Variants in CAPN13 observed in about 807,000 individuals in gnomAD.
CAPN13 encodes the protein calpain 13.
In CAPN13, 90 loss-of-function variants were observed where a neutral mutation model predicts 98.4. The observed-to-expected ratio is 0.92, with a 90% CI of 0.77 to 1.09. CAPN13 has a LOEUF of 1.09. Ranked by LOEUF, CAPN13 falls within the 50% of genes least tolerant of loss-of-function variation. The pLI is 0.00. For missense variants in CAPN13, 887 were observed against 841.3 expected, an observed-to-expected ratio of 1.05 and a Z score of -0.67; for synonymous variants, 330 against 305.5, an observed-to-expected ratio of 1.08 and a Z score of -0.84.
intron 22 of CAPN13, among the ~76,000 whole-genome samples, chr2:30,724,019 T>C (rs750285897): frequency 9.9e-5 from 15 of 152,250 alleles, no homozygotes; most frequent in African/African-American, 2.2e-4. Flanking sequence ...AATGTGCTTA[T>C]GCAGTTAATT....
rs549423778 is a variant in CAPN13 at position 30,771,134 on chromosome 2, CAG to C, written c.388-687_388-686del. ...ATGAACCGGATGTTCCTCTCCAAAACAGACTGTTTGAATCTTTAGCATTCAAC... is the reference window on the plus strand; with the variant it reads ...ATGAACCGGATGTTCCTCTCCAAAACACTGTTTGAATCTTTAGCATTCAAC... On this transcript the variant is annotated intron_variant, in intron 4 of 22. Coordinates refer to ENST00000295055, the MANE Select transcript of CAPN13 (RefSeq NM_144575.3). 2.2e-4 allele frequency among the ~76,000 whole-genome samples: 33 copies of C among 152,358 alleles called. No individual in the cohort carries two copies. In the East Asian group the frequency reaches 4.8e-3, roughly 22 times the overall value.
At chr2:30,800,116 A>AAAGAAAGAAGAAAG (rs1444108248) in intron 1 of CAPN13, among the ~76,000 whole-genome samples, 1 of 85,596 alleles carries the variant, frequency 1.2e-5, no homozygotes, top group African/African-American at 4.5e-5. Flanking sequence ...GAAAAGAAAG[A>AAAGAAAGAAGAAAG]AAAGAAAGAA....
intron 19 of CAPN13, among the ~76,000 whole-genome samples, chr2:30,733,878 G>A (rs1237263792): frequency 1.3e-5 from 2 of 152,188 alleles, no homozygotes; most frequent in African/African-American, 2.4e-5. Flanking sequence ...AATGATTCCT[G>A]CCCTTCCCAG....
intron 1 of CAPN13, among the ~76,000 whole-genome samples, chr2:30,798,420 C>A (rs1051359835): frequency 1.1e-4 from 16 of 152,136 alleles, no homozygotes; most frequent in Admixed American, 9.2e-4. Flanking sequence ...TCTCTCTCTG[C>A]TTTTCTTCAG....
chr2:30,790,121 C>T (rs544353228), intron 1 of CAPN13, among the ~76,000 whole-genome samples: 23 of 152,308 alleles, frequency 1.5e-4, no homozygotes, highest in African/African-American at 4.8e-4. Context: ...CTCTTGGCTT[C>T]GCCAGGGAAC....
intron 13 of CAPN13, 126 bp from the exon 14 acceptor site, chr2:30,742,485 C>T: frequency 2.0e-6 from 2 of 981,176 alleles, no homozygotes; most frequent in Admixed American, 4.2e-5. Context: ...ACCCTCAGCA[C>T]CGCAGGACAC....
At chr2:30,775,135 G>A (rs1449553606) in intron 4 of CAPN13, among the ~76,000 whole-genome samples, 2 of 152,124 alleles carry the variant, frequency 1.3e-5, no homozygotes, top group Non-Finnish European at 2.9e-5. Context: ...AAAGAATTAA[G>A]AACTAATAAA....
intron 2 of CAPN13, among the ~76,000 whole-genome samples, chr2:30,779,244 A>T (rs575342999): frequency 2.6e-5 from 4 of 152,358 alleles, no homozygotes; most frequent in Admixed American, 2.6e-4. Context: ...TGGAAAGCCC[A>T]TTCAGACAGA....
intron 1 of CAPN13, among the ~76,000 whole-genome samples, chr2:30,800,335 C>A (rs908739692): frequency 1.3e-5 from 2 of 152,168 alleles, no homozygotes; most frequent in Non-Finnish European, 2.9e-5. Context: ...AAAGCAGAAG[C>A]GACTTACTGA....
chr2:30,802,794 A>G (rs1393781757), intron 1 of CAPN13, among the ~76,000 whole-genome samples: 16 of 152,082 alleles, frequency 1.1e-4, no homozygotes, highest in Admixed American at 1.0e-3. Context: ...TCTGCCTGAA[A>G]AGAGAGGTAG....
Position 30,743,544 on chromosome 2 carries a change from G to C in CAPN13, c.1284C>G (p.Ser428=), listed in dbSNP as rs756257690. The part of the protein sequence containing the change: ...FREKFPPVFF[S]SFRNTVQSSN... ...AGCTTTGGACAGTGTTTCTGAACGAGGAAAAAAACACGGGTGGAAATTTCT... is the reference window on the plus strand; with the variant it reads ...AGCTTTGGACAGTGTTTCTGAACGACGAAAAAAACACGGGTGGAAATTTCT... The change falls in exon 13 of 23, where the codon TCC becomes TCG. Residue 428 remains serine (S), a synonymous_variant. Coordinates refer to ENST00000295055, the MANE Select transcript of CAPN13 (RefSeq NM_144575.3). The C allele has an allele frequency of 6.2e-7, 1 of 1,613,764 alleles. No homozygotes were observed. The highest frequency in any genetic ancestry group is 2.2e-5 in the East Asian group (1 of 44,880).
At chr2:30,731,963 G>C (rs1671120134) in intron 20 of CAPN13, among the ~76,000 whole-genome samples, 1 of 152,070 alleles carries the variant, frequency 6.6e-6, no homozygotes, top group Admixed American at 6.5e-5. Context: ...TGTGGCTCGG[G>C]GTTTCACACT....
intron 1 of CAPN13, among the ~76,000 whole-genome samples, chr2:30,802,249 G>C (rs575259003): frequency 6.6e-6 from 1 of 152,212 alleles, no homozygotes; most frequent in South Asian, 2.1e-4. Context: ...TTTCTGACCA[G>C]GTGCTCGGAG....
At chr2:30,770,193 T>C in intron 5 of CAPN13, 120 bp downstream of exon 5, 1 of 1,357,398 alleles carries the variant, frequency 7.4e-7, no homozygotes, top group Non-Finnish European at 1.0e-6. Context: ...TGGTGATTGT[T>C]TATGGAGATG....
Position 30,763,083 on chromosome 2 carries a change from T to G in CAPN13, c.773A>C (p.Gln258Pro). 1 of 1,607,256 alleles carries G rather than the reference T, an allele frequency of 6.2e-7. No homozygotes were observed. ...LHAYTVTGAE[Q>P]IQYRRGWEEI... ...GGACAGGCCAGCAGCCAGCCTTACCTGCTCAGCCCCAGTCACAGTGTAGGC... is the reference window on the plus strand; with the variant it reads ...GGACAGGCCAGCAGCCAGCCTTACCGGCTCAGCCCCAGTCACAGTGTAGGC... Residue 258 changes from glutamine (Q) to proline (P), a missense_variant and splice_region_variant, in exon 7 of 23, where the codon CAG becomes CCG. By Grantham distance (76) the Gln-to-Pro change is moderately conservative (BLOSUM62 -1). Transcript: ENST00000295055.
chr2:30,730,961 C>T (rs1671053086), intron 21 of CAPN13, among the ~76,000 whole-genome samples, 175 bp from the exon 22 acceptor site: 1 of 152,160 alleles, frequency 6.6e-6, no homozygotes, highest in African/African-American at 2.4e-5. Flanking sequence ...ACATCTTCTG[C>T]TACTCCCTGA....
Position 30,777,612 on chromosome 2 carries a change from T to G in CAPN13, c.226A>C (p.Ile76Leu). Residue 76 changes from isoleucine to leucine, a missense_variant, in exon 3 of 23, where the codon ATC becomes CTC. By Grantham distance (5) the Ile-to-Leu change is conservative. Transcript: ENST00000295055. ...QDLPGGPPHF[I>L]LDDISRFDIQ... ...TCAAATCTGCTTATATCATCCAGGATGAAGTGAGGAGGACCCCCTGGTAGA... is the reference window on the plus strand; with the variant it reads ...TCAAATCTGCTTATATCATCCAGGAGGAAGTGAGGAGGACCCCCTGGTAGA... The G allele has an allele frequency of 6.3e-7, 1 of 1,580,020 alleles. No individual in the cohort carries two copies. Among genetic ancestry groups the G allele is most frequent in the Middle Eastern group, 1.7e-4 (1 of 6,020 alleles).
intron 17 of CAPN13, 51 bp downstream of exon 17, chr2:30,738,184 C>T (rs1185653171): frequency 6.2e-7 from 1 of 1,605,552 alleles, no homozygotes; most frequent in African/African-American, 1.3e-5. Flanking sequence ...TGGGGAAGCC[C>T]ACAGAGCTGA....
At chr2:30,783,430 G>C (rs983035341) in intron 2 of CAPN13, among the ~76,000 whole-genome samples, 7 of 152,124 alleles carry the variant, frequency 4.6e-5, no homozygotes, top group Non-Finnish European at 1.0e-4. Context: ...GGATGTGAAC[G>C]GGGCTTCCTT....
Sources: allele counts gnomAD v4.1 joint callset (sites outside exome capture counted in the v4.1 genomes callset), GRCh38; gene constraint gnomAD v4.1.1; transcripts MANE v1.5; gene names NCBI Gene and HGNC (gene_info 2026-07-23, HGNC 2026-07-21).